Variants in NAA60 observed in about 807,000 individuals in gnomAD.
NAA60 encodes the protein N-alpha-acetyltransferase 60.
NAA60 carries 8 observed loss-of-function variants against 26.1 expected under a neutral mutation model. The ratio of observed to expected loss-of-function variants is 0.31; its 90% CI spans 0.18 to 0.55. NAA60 has a LOEUF of 0.55. Ranked by LOEUF, NAA60 falls within the 20% of genes least tolerant of loss-of-function variation. The pLI, the probability that NAA60 is intolerant of heterozygous loss-of-function variation, is 0.93. For missense variants in NAA60, 290 were observed against 311.3 expected (o/e 0.93, Z 0.51); for synonymous variants, 131 against 122.5 (o/e 1.07, Z -0.46).
intron 1 of NAA60, 28 bp downstream of exon 1, chr16:3,443,865 G>A (rs1343514144): frequency 6.5e-7 from 1 of 1,526,888 alleles, no homozygotes; most frequent in Middle Eastern, 1.7e-4. Context: ...TGCCCTGTAG[G>A]CCTGAAATTT....
In NAA60 at chr16:3,476,243, C is replaced by T; in HGVS notation, c.16C>T (p.Pro6Ser). The T allele has an allele frequency of 6.2e-7, 1 of 1,603,060 alleles. No homozygotes were observed. The highest frequency in any genetic ancestry group is 8.5e-7 in the Non-Finnish European group (1 of 1,172,752). The part of the protein sequence containing the change: MTEVV[P>S]SSALSEVSLR... ...ACAGGTGTGAATGACAGAGGTGGTGCCATCCAGCGCGCTCAGCGAGGTCAG... is the reference window on the plus strand; with the variant it reads ...ACAGGTGTGAATGACAGAGGTGGTGTCATCCAGCGCGCTCAGCGAGGTCAG... Residue 6 changes from proline (P) to serine (S), a missense_variant, in exon 3 of 8, where the codon CCA becomes TCA. Pro to Ser is a moderately conservative substitution (Grantham distance 74). Transcript: ENST00000407558.
intron 7 of NAA60, 185 bp from the exon 8 acceptor site, chr16:3,485,282 T>G: frequency 8.6e-6 from 5 of 581,200 alleles, no homozygotes; most frequent in African/African-American, 1.8e-5. Context: ...TTTGGATCCA[T>G]CAGTGCCTTT....
Position 3,463,397 on chromosome 16 carries a change from A to G in NAA60, c.-6-12825A>G, listed in dbSNP as rs149868464. Reference sequence around the variant, plus strand: ...ACCCCGTCTCTACAAAAAAAAAACAAAAATTACCTGAGTGTAGTAACTTAA... The same window carrying G: ...ACCCCGTCTCTACAAAAAAAAAACAGAAATTACCTGAGTGTAGTAACTTAA... On this transcript the variant is annotated intron_variant, in intron 2 of 7. Transcript: ENST00000407558. Among the ~76,000 whole-genome samples the G allele has an allele frequency of 6.0e-3, 910 of 151,716 alleles. 15 individuals carry two copies. Among genetic ancestry groups the G allele is most frequent in the African/African-American group, 0.02 (846 of 41,290 alleles).
Position 3,468,584 on chromosome 16 carries a change from A to G in NAA60, c.-6-7638A>G, listed in dbSNP as rs528570369. On this transcript the variant is annotated intron_variant, in intron 2 of 7. Transcript: ENST00000407558. ...GTCTACAGGCAGCTCAGGAGCACGGAGTTGGGGGAAGCAGAGAAGGTGTGA... is the reference window on the plus strand; with the variant it reads ...GTCTACAGGCAGCTCAGGAGCACGGGGTTGGGGGAAGCAGAGAAGGTGTGA... Among the ~76,000 whole-genome samples the G allele has an allele frequency of 6.6e-4, 101 of 152,282 alleles. 2 individuals carry two copies. Among genetic ancestry groups the G allele is most frequent in the African/African-American group, 2.2e-3 (93 of 41,564 alleles).
chr16:3,453,417 A>AT (rs199921159), intron 2 of NAA60, among the ~76,000 whole-genome samples: 9,224 of 149,616 alleles, frequency 0.062, 373 homozygotes, highest in Middle Eastern at 0.086. Flanking sequence ...ATGAAAAAAA[A>AT]TTTTTTTTTT....
chr16:3,485,526 C>G lies in NAA60; in HGVS notation c.*266C>G, dbSNP rs746579802. The G allele has an allele frequency of 2.6e-5, 12 of 455,444 alleles. No homozygotes were observed. The Middle Eastern group carries it at 1.6e-3, about 61-fold the overall frequency. The allele number at this position is 455,444 out of a possible 1,614,324, so 28.2% of individuals were successfully genotyped here. On this transcript the variant is annotated 3_prime_UTR_variant, in exon 8 of 8. Coordinates refer to ENST00000407558, the MANE Select transcript of NAA60 (RefSeq NM_001083601.3). The stretch of plus-strand genomic sequence containing the variant: ...CTGCCTGCTGCCCTGGCCCTGCCCC[C>G]CTGCGCATGCACCGTCCCCAGGGCT...
At chr16:3,447,434 T>C in intron 1 of NAA60, 1 of 984,398 alleles carries the variant, frequency 1.0e-6, no homozygotes, top group Non-Finnish European at 1.2e-6. Context: ...TTTAACATGA[T>C]TTCCAGAATG....
At chr16:3,483,118 C>T (rs17183561) in intron 5 of NAA60, among the ~76,000 whole-genome samples, 9,570 of 152,296 alleles carry the variant, frequency 0.063, 389 homozygotes, top group Middle Eastern at 0.092. Context: ...AGTCTCCATG[C>T]GGGCCCAGCC....
At chr16:3,484,247 GGGGTGACCCCACACTCCACA>G (rs2037032629) in intron 6 of NAA60, among the ~76,000 whole-genome samples, 1 of 152,186 alleles carries the variant, frequency 6.6e-6, no homozygotes, top group Non-Finnish European at 1.5e-5. Flanking sequence ...AGGAAAGAGA[GGGGTGACCCCACACTCCACA>G]GGCCGTCTAG....
intron 7 of NAA60, 80 bp downstream of exon 7, chr16:3,485,141 A>G (rs1477506961): frequency 1.4e-5 from 12 of 874,304 alleles, no homozygotes; most frequent in Non-Finnish European, 2.0e-5. Context: ...GGGCACAGAG[A>G]ACGGCAGAGC....
chr16:3,451,827 G>A (rs991900666), intron 2 of NAA60, among the ~76,000 whole-genome samples: 9 of 151,208 alleles, frequency 6.0e-5, no homozygotes, highest in African/African-American at 1.9e-4. Flanking sequence ...CTAAGGCAGC[G>A]GAATCACTTG....
chr16:3,462,973 C>T (rs758267753), intron 2 of NAA60, among the ~76,000 whole-genome samples: 4 of 152,036 alleles, frequency 2.6e-5, no homozygotes, highest in South Asian at 2.1e-4. Flanking sequence ...TATAGCCACG[C>T]AAATTGTTCT....
At chr16:3,481,691 G>A (rs1022178531) in intron 4 of NAA60, among the ~76,000 whole-genome samples, 2 of 152,198 alleles carry the variant, frequency 1.3e-5, no homozygotes, top group African/African-American at 2.4e-5. Context: ...AGTAGACCCT[G>A]TTAAGAGATG....
At chr16:3,479,910 T>G (rs990474089) in intron 4 of NAA60, among the ~76,000 whole-genome samples, 3 of 152,182 alleles carry the variant, frequency 2.0e-5, no homozygotes, top group African/African-American at 7.2e-5. Context: ...AAAATACCCC[T>G]GATTTGTGTT....
At chr16:3,482,402 C>T in intron 4 of NAA60, 100 bp from the exon 5 acceptor site, 1 of 934,546 alleles carries the variant, frequency 1.1e-6, no homozygotes, top group Non-Finnish European at 1.7e-6. Flanking sequence ...GTCCCTCTGG[C>T]TGTCGTGGGA....
chr16:3,479,736 C>T (rs552907727), intron 4 of NAA60, 136 bp downstream of exon 4: 11 of 940,744 alleles, frequency 1.2e-5, no homozygotes, highest in East Asian at 2.6e-5. Flanking sequence ...AAGTGGCCAA[C>T]GACACTTGTC....
intron 4 of NAA60, among the ~76,000 whole-genome samples, chr16:3,481,066 C>A (rs1166795045): frequency 6.6e-6 from 1 of 152,032 alleles, no homozygotes; most frequent in Non-Finnish European, 1.5e-5. Context: ...GAGCTTTTTT[C>A]TTTGATTTTT....
At chr16:3,476,519 T>C (rs2036494238) in intron 3 of NAA60, among the ~76,000 whole-genome samples, 182 bp downstream of exon 3, 2 of 152,192 alleles carry the variant, frequency 1.3e-5, no homozygotes, top group African/African-American at 2.4e-5. Context: ...CTGGGCTCTT[T>C]CCACCTCTCA....
chr16:3,447,491 C>A, intron 1 of NAA60: 1 of 985,380 alleles, frequency 1.0e-6, no homozygotes, highest in Non-Finnish European at 1.2e-6. Context: ...GATGGTACTG[C>A]CTTTTAAGGT....
Sources: allele counts gnomAD v4.1 joint callset (sites outside exome capture counted in the v4.1 genomes callset), GRCh38; gene constraint gnomAD v4.1.1; transcripts MANE v1.5; gene names NCBI Gene and HGNC (gene_info 2026-07-23, HGNC 2026-07-21).